The following UBE2S variants were observed in gnomAD, a reference collection of about 807,000 sequenced individuals.
UBE2S encodes the protein ubiquitin conjugating enzyme E2 S, also known as ubiquitin-conjugating enzyme E2 S.
In UBE2S, 3 loss-of-function variants were observed where a neutral mutation model predicts 12.3. The ratio of observed to expected loss-of-function variants is 0.24; its 90% confidence interval spans 0.11 to 0.63. The LOEUF is 0.63. Ranked by LOEUF, UBE2S falls within the 30% of genes least tolerant of loss-of-function variation. The probability of loss-of-function intolerance (pLI) is 0.85; values close to 1 mark genes in which losing one functional copy is unlikely to be tolerated. For missense variants in UBE2S, 211 were observed against 313.9 expected, an observed-to-expected ratio of 0.67 and a Z score of 2.48; for synonymous variants, 133 against 142.0, an observed-to-expected ratio of 0.94 and a Z score of 0.45.
In UBE2S at chr19:55,401,090, G is replaced by A; in HGVS notation, c.*346C>T. 1 of 316,998 alleles carries A rather than the reference G, an allele frequency of 3.2e-6. No homozygotes were observed. The highest frequency in any genetic ancestry group is 4.5e-5 in the South Asian group (1 of 22,178). 19.6% of individuals were successfully genotyped at this position (316,998 alleles called of 1,614,324 possible). On this transcript the variant is annotated 3_prime_UTR_variant, in exon 4 of 4. Coordinates refer to ENST00000264552, the MANE Select transcript of UBE2S (RefSeq NM_014501.3). Reference sequence around the variant, plus strand: ...ATTGGAAATCTGACTCCAAAGAGGGGTTGTGACCGCTCTACCTCCACAGAA... The same window carrying A: ...ATTGGAAATCTGACTCCAAAGAGGGATTGTGACCGCTCTACCTCCACAGAA...
chr19:55,407,475 C>G, intron 1 of UBE2S, 112 bp downstream of exon 1: 1 of 1,223,970 alleles, frequency 8.2e-7, no homozygotes, highest in Non-Finnish European at 1.1e-6. Flanking sequence ...TCAGGGACCC[C>G]CAGGCTGGCC....
intron 3 of UBE2S, chr19:55,403,255 A>G: frequency 1.7e-6 from 1 of 579,850 alleles, no homozygotes; most frequent in South Asian, 2.2e-5. Context: ...ATACTTTGGA[A>G]CTGAGTTTTA....
At position 55,400,751 on chromosome 19, in the gene UBE2S, GA is replaced by G. The variant is rs1445629838; in HGVS notation, c.*684del. ...TGTCCAGACTTCCAACACAAAGTCT[GA>G]AGTGGGTGTTGTTTTAAGCCGCTGG... On this transcript the variant is annotated 3_prime_UTR_variant, in exon 4 of 4. Coordinates refer to ENST00000264552, the MANE Select transcript of UBE2S (RefSeq NM_014501.3). The G allele has an allele frequency of 1.3e-5, 2 of 152,372 alleles. No homozygotes were observed. Among genetic ancestry groups the G allele is most frequent in the South Asian group, 2.1e-4 (1 of 4,836 alleles). 9.4% of individuals were successfully genotyped at this position (152,372 alleles called of 1,614,324 possible).
rs1000601719 is a variant in UBE2S at position 55,407,059 on chromosome 19, G to T, written c.4-97C>A. ...AGACTGCCCAAGTCTTGACTCAGTG[G>T]CCCCAGGCTGTCAATCACCCTTGAA... is the stretch of plus-strand genomic sequence containing the variant. On this transcript the variant is annotated intron_variant, in intron 1 of 3. Coordinates refer to ENST00000264552, the MANE Select transcript of UBE2S (RefSeq NM_014501.3). 38 of 1,447,474 alleles carry T rather than the reference G, an allele frequency of 2.6e-5. 1 individual carries two copies. Among genetic ancestry groups the T allele is most frequent in the Non-Finnish European group, 3.4e-5 (36 of 1,068,450 alleles). 89.7% of individuals were successfully genotyped at this position (1,447,474 alleles called of 1,614,324 possible).
At chr19:55,407,504 G>A (rs946332659) in intron 1 of UBE2S, 83 bp downstream of exon 1, 2 of 1,444,976 alleles carry the variant, frequency 1.4e-6, no homozygotes, top group African/African-American at 1.5e-5. Context: ...CCTCAAGGCC[G>A]CCCGTCGGAG....
intron 2 of UBE2S, 67 bp downstream of exon 2, chr19:55,406,748 G>A (rs2090098596): frequency 1.9e-6 from 3 of 1,548,026 alleles, no homozygotes; most frequent in Non-Finnish European, 8.7e-7. Context: ...TTCCCGCTAG[G>A]GTGATCTAGA....
rs1041748378 is a variant in UBE2S at position 55,401,290 on chromosome 19, C to T, written c.*146G>A. On this transcript the variant is annotated 3_prime_UTR_variant, in exon 4 of 4. Coordinates refer to ENST00000264552, the MANE Select transcript of UBE2S (RefSeq NM_014501.3). ...TCTGTGAGACACAGAAGCTGCTTTT[C>T]CAACTTTATTTAGAAAAACAAATCC... is the stretch of plus-strand genomic sequence containing the variant. 6 of 912,176 alleles carry T rather than the reference C, an allele frequency of 6.6e-6. No individual in the cohort carries two copies. The highest frequency in any genetic ancestry group is 1.7e-5 in the African/African-American group (1 of 59,574). The allele number at this position is 912,176 out of a possible 1,614,324, so 56.5% of individuals were successfully genotyped here.
At position 55,399,784 on chromosome 19, in the gene UBE2S, T is replaced by C. The variant is rs1214272787; in HGVS notation, c.*1652A>G. 2 of 152,304 alleles carry C rather than the reference T, an allele frequency of 1.3e-5. No individual in the cohort carries two copies. Among genetic ancestry groups the C allele is most frequent in the Non-Finnish European group, 2.9e-5 (2 of 68,028 alleles). 9.4% of individuals were successfully genotyped at this position (152,304 alleles called of 1,614,324 possible). On this transcript the variant is annotated 3_prime_UTR_variant, in exon 4 of 4. Coordinates refer to ENST00000264552, the MANE Select transcript of UBE2S (RefSeq NM_014501.3). ...ATTTTTATTATGCACTTCGCTAAAT[T>C]ATTTCAGTGGGTTCCGAGGCCCAGG... is the stretch of plus-strand genomic sequence containing the variant.
Position 55,404,423 on chromosome 19 carries a change from G to A in UBE2S, c.207C>T (p.Asp69=). Residue 69 remains aspartate, a synonymous_variant, in exon 3 of 4, where the codon GAC becomes GAT. Transcript: ENST00000264552. This position sits in a 1 kb window ranked among gnomAD's most constrained non-coding sequence, Gnocchi z 4.4. ...LFRMKLLLGK[D]FPASPPKGYF... ...AGCCCTTGGGTGGGGAGGCAGGGAA[G>A]TCCTTCCCCAGCAGGAGTTTCATGC... The A allele has an allele frequency of 6.2e-7, 1 of 1,613,294 alleles. No individual in the cohort carries two copies. Among genetic ancestry groups the A allele is most frequent in the Non-Finnish European group, 8.5e-7 (1 of 1,179,492 alleles).
In UBE2S at chr19:55,400,758, G is replaced by GTGT. The variant is rs2090051206; in HGVS notation, c.*675_*677dup. 1 of 152,368 alleles carries GTGT rather than the reference G, an allele frequency of 6.6e-6. No homozygotes were observed. The highest frequency in any genetic ancestry group is 2.4e-5 in the African/African-American group (1 of 41,472). 9.4% of individuals were successfully genotyped at this position (152,368 alleles called of 1,614,324 possible). On this transcript the variant is annotated 3_prime_UTR_variant, in exon 4 of 4. Coordinates refer to ENST00000264552, the MANE Select transcript of UBE2S (RefSeq NM_014501.3). ...ACTTCCAACACAAAGTCTGAAGTGGGTGTTGTTTTAAGCCGCTGGCTTTGT... is the reference window on the plus strand; with the variant it reads ...ACTTCCAACACAAAGTCTGAAGTGGGTGTTGTTGTTTTAAGCCGCTGGCTTTGT...
Position 55,404,108 on chromosome 19 carries a change from G to T in UBE2S, c.342+180C>A. ...TCCTGGGCACTTCTCAACAGTACTT[G>T]GGTGTCCTGGGTCTGGCACTGTTTG... is the stretch of plus-strand genomic sequence containing the variant. On this transcript the variant is annotated intron_variant, in intron 3 of 3. Transcript: ENST00000264552. The surrounding 1 kb of genome is among the most constrained non-coding windows in gnomAD (Gnocchi z 4.4). The T allele has an allele frequency of 1.4e-6, 1 of 720,092 alleles. No homozygotes were observed. Among genetic ancestry groups the T allele is most frequent in the Non-Finnish European group, 2.3e-6 (1 of 439,416 alleles). The allele number at this position is 720,092 out of a possible 1,614,324, so 44.6% of individuals were successfully genotyped here.
Position 55,401,883 on chromosome 19 carries a change from G to C in UBE2S, c.343-121C>G, listed in dbSNP as rs1287548261. ...TGCTCCCAACTCAGCTGCAGATCCA[G>C]GCCCCACCTATGCTGCATCCTCCCT... On this transcript the variant is annotated intron_variant, in intron 3 of 3. Coordinates refer to ENST00000264552, the MANE Select transcript of UBE2S (RefSeq NM_014501.3). 5.7e-6 allele frequency: 6 copies of C among 1,049,260 alleles called. No homozygotes were observed. In the African/African-American group the frequency reaches 6.5e-5, roughly 11 times the overall value. 65.0% of individuals were successfully genotyped at this position (1,049,260 alleles called of 1,614,324 possible).
rs1329081514 is a variant in UBE2S, at chr19:55,401,718, G to T, written c.387C>A (p.Leu129=). The T allele has an allele frequency of 4.3e-6, 7 of 1,613,468 alleles. No individual in the cohort carries two copies. In the East Asian group the frequency reaches 1.3e-4, roughly 31 times the overall value. ...LLIHPNPESA[L]NEEAGRLLLE... ...AGAGCAGGCGGCCCGCCTCCTCGTTGAGTGCAGACTCGGGGTTAGGGTGGA... is the reference window on the plus strand; with the variant it reads ...AGAGCAGGCGGCCCGCCTCCTCGTTTAGTGCAGACTCGGGGTTAGGGTGGA... Residue 129 remains leucine, a synonymous_variant, in exon 4 of 4, where the codon CTC becomes CTA. Coordinates refer to ENST00000264552, the MANE Select transcript of UBE2S (RefSeq NM_014501.3).
chr19:55,403,380 TCAGGAAGCTGAGG>T (rs2090075123), intron 3 of UBE2S: 1 of 378,998 alleles, frequency 2.6e-6, no homozygotes, highest in Non-Finnish European at 4.7e-6. Context: ...TACCAGCCAT[TCAGGAAGCTGAGG>T]CAGGAAGATC....
chr19:55,404,318 C>T lies in UBE2S; in HGVS notation c.312G>A (p.Thr104=), dbSNP rs147904346. The T allele has an allele frequency of 1.7e-5, 27 of 1,613,336 alleles. No homozygotes were observed. Among genetic ancestry groups the T allele is most frequent in the Non-Finnish European group, 1.8e-5 (21 of 1,179,884 alleles). The part of the protein sequence containing the change: ...ICVNVLKRDW[T]AELGIRHVLL... The stretch of plus-strand genomic sequence containing the variant: ...GTACGTGTCGGATGCCCAGCTCAGC[C>T]GTCCAGTCCCTCTTGAGCACGTTGA... The change falls in exon 3 of 4, where the codon ACG becomes ACA. Residue 104 remains threonine (T), a synonymous_variant. Transcript: ENST00000264552. This position sits in a 1 kb window ranked among gnomAD's most constrained non-coding sequence, Gnocchi z 4.4.
At chr19:55,406,455 TGA>T (rs778128763) in intron 2 of UBE2S, among the ~76,000 whole-genome samples, 1 of 152,144 alleles carries the variant, frequency 6.6e-6, no homozygotes, top group Non-Finnish European at 1.5e-5. Context: ...GGATGGAGTT[TGA>T]GATCACCTGG....
chr19:55,407,462 G>C (rs1043577075), intron 1 of UBE2S, 125 bp downstream of exon 1: 14 of 1,104,108 alleles, frequency 1.3e-5, no homozygotes, highest in Non-Finnish European at 7.4e-6. Flanking sequence ...GGCCCATCCC[G>C]GGTCAGGGAC....
In UBE2S at chr19:55,404,288, C is replaced by T. The variant is rs1439814891; in HGVS notation, c.342G>A (p.Leu114=). ...TAELGIRHVL[L]TIKCLLIHPN... is the part of the protein sequence containing the mutation. ...GGCCCAGCCCCAGCCCAGAACTCACCAGCAGTACGTGTCGGATGCCCAGCT... is the reference window on the plus strand; with the variant it reads ...GGCCCAGCCCCAGCCCAGAACTCACTAGCAGTACGTGTCGGATGCCCAGCT... The change falls in exon 3 of 4, where the codon CTG becomes CTA. Residue 114 remains leucine, a splice_region_variant and synonymous_variant. Transcript: ENST00000264552. This position sits in a 1 kb window ranked among gnomAD's most constrained non-coding sequence, Gnocchi z 4.4. 6.2e-7 allele frequency: 1 copy of T among 1,612,640 alleles called. No homozygotes were observed. Among genetic ancestry groups the T allele is most frequent in the African/African-American group, 1.3e-5 (1 of 74,774 alleles).
At chr19:55,402,858 A>G (rs1241268021) in intron 3 of UBE2S, 1 of 1,162,620 alleles carries the variant, frequency 8.6e-7, no homozygotes, top group African/African-American at 1.5e-5. Flanking sequence ...CTCCCTCCCC[A>G]TGGCAGGAAA....
Sources: gnomAD v4.1 joint callset for allele counts (sites outside exome capture counted in the v4.1 genomes callset) on GRCh38, gnomAD v4.1.1 for gene constraint, Gnocchi (gnomAD v3.1) non-coding constraint, MANE v1.5 for transcripts, NCBI Gene and HGNC (gene_info 2026-07-23, HGNC 2026-07-21) for gene names.